The following GPC5 variants were observed in gnomAD, a reference collection of about 807,000 sequenced individuals.
GPC5 encodes the protein glypican 5, also known as glypican-5.
In GPC5, 47 loss-of-function variants were observed where a neutral mutation model predicts 53.9. The observed-to-expected ratio is 0.87, with a 90% confidence interval of 0.69 to 1.11. The LOEUF is 1.11. GPC5 is among the 50% of genes most tolerant of loss of function. The probability of loss-of-function intolerance (pLI) is 0.00; values close to 1 mark genes in which losing one functional copy is unlikely to be tolerated. For missense variants in GPC5, 748 were observed against 713.1 expected (o/e 1.05, Z -0.56); for synonymous variants, 286 against 263.3 (o/e 1.09, Z -0.84).
intron 7 of GPC5, among the ~76,000 whole-genome samples, chr13:92,162,556 G>T (rs1038491342): frequency 6.6e-6 from 1 of 152,132 alleles, no homozygotes; most frequent in Non-Finnish European, 1.5e-5. Flanking sequence ...TAGGGTTATG[G>T]ATAACCAGGG....
At chr13:91,420,692 G>A (rs781696380) in intron 1 of GPC5, among the ~76,000 whole-genome samples, 3 of 152,194 alleles carry the variant, frequency 2.0e-5, no homozygotes, top group East Asian at 1.9e-4. Flanking sequence ...GGAGGAACCC[G>A]GTGGGAGGTG....
intron 7 of GPC5, among the ~76,000 whole-genome samples, chr13:92,758,420 A>G (rs1453143600): frequency 6.6e-6 from 1 of 151,908 alleles, no homozygotes; most frequent in Non-Finnish European, 1.5e-5. Flanking sequence ...GCACATGTAT[A>G]CGTATGTAAC....
At chr13:92,835,935 G>A (rs1278369274) in intron 7 of GPC5, among the ~76,000 whole-genome samples, 1 of 151,926 alleles carries the variant, frequency 6.6e-6, no homozygotes, top group African/African-American at 2.4e-5. Flanking sequence ...AAATTACAGT[G>A]AGTCTGAACA....
intron 5 of GPC5, among the ~76,000 whole-genome samples, chr13:91,868,994 T>C (rs1190759449): frequency 6.6e-6 from 1 of 152,098 alleles, no homozygotes; most frequent in Non-Finnish European, 1.5e-5. Flanking sequence ...TGACTATACA[T>C]ATATGGGGTG....
At chr13:91,563,807 G>A (rs781714592) in intron 2 of GPC5, among the ~76,000 whole-genome samples, 2 of 151,708 alleles carry the variant, frequency 1.3e-5, no homozygotes, top group Non-Finnish European at 2.9e-5. Flanking sequence ...CAATGTTGCT[G>A]CCAGCCTCCT....
intron 7 of GPC5, among the ~76,000 whole-genome samples, chr13:92,278,019 T>A (rs2139164432): frequency 6.6e-6 from 1 of 151,976 alleles, no homozygotes; most frequent in Non-Finnish European, 1.5e-5. Context: ...TATTTAAGAA[T>A]CTGGAATTTT....
chr13:92,397,340 G>A (rs1875330743), intron 7 of GPC5, among the ~76,000 whole-genome samples: 1 of 152,148 alleles, frequency 6.6e-6, no homozygotes, highest in Non-Finnish European at 1.5e-5. Context: ...GTTTCATAAG[G>A]GGAAACACCT....
At chr13:92,641,570 T>C (rs1010043091) in intron 7 of GPC5, among the ~76,000 whole-genome samples, 1 of 152,218 alleles carries the variant, frequency 6.6e-6, no homozygotes, top group Non-Finnish European at 1.5e-5. Context: ...AGATGCTTAT[T>C]TGAGGATATT....
At chr13:91,903,778 A>G (rs2039523180) in intron 5 of GPC5, among the ~76,000 whole-genome samples, 1 of 152,128 alleles carries the variant, frequency 6.6e-6, no homozygotes, top group African/African-American at 2.4e-5. Context: ...TTATCTAAAT[A>G]TTATTTTACT....
At chr13:91,766,710 A>G (rs902399919) in intron 5 of GPC5, among the ~76,000 whole-genome samples, 10 of 152,092 alleles carry the variant, frequency 6.6e-5, no homozygotes, top group African/African-American at 2.4e-4. Flanking sequence ...AAAATACAAA[A>G]TTAACTGTGT....
intron 2 of GPC5, among the ~76,000 whole-genome samples, chr13:91,655,418 T>C (rs895546354): frequency 2.0e-5 from 3 of 152,148 alleles, no homozygotes; most frequent in Non-Finnish European, 2.9e-5. Context: ...GTTGTATGTG[T>C]AATGTTATTC....
At chr13:91,962,733 A>G (rs2139077224) in intron 6 of GPC5, among the ~76,000 whole-genome samples, 1 of 152,268 alleles carries the variant, frequency 6.6e-6, no homozygotes, top group East Asian at 1.9e-4. Flanking sequence ...GTTTTGCATC[A>G]CAGTGGGAGT....
At chr13:92,082,856 A>G (rs1200774207) in intron 6 of GPC5, among the ~76,000 whole-genome samples, 1 of 152,196 alleles carries the variant, frequency 6.6e-6, no homozygotes, top group African/African-American at 2.4e-5. Context: ...ATAGCTAGCT[A>G]AAAGTAGATA....
intron 7 of GPC5, among the ~76,000 whole-genome samples, chr13:92,152,757 A>G (rs1273495884): frequency 7.1e-6 from 1 of 141,768 alleles, no homozygotes; most frequent in South Asian, 2.3e-4. Flanking sequence ...AAAAAAAAAA[A>G]TTGGGCAAAG....
intron 7 of GPC5, among the ~76,000 whole-genome samples, chr13:92,754,551 C>G (rs1387767069): frequency 6.6e-6 from 1 of 151,396 alleles, no homozygotes; most frequent in East Asian, 2.0e-4. Context: ...GATAAAGAGT[C>G]AAGACCCAAC....
intron 7 of GPC5, among the ~76,000 whole-genome samples, chr13:92,219,077 T>C (rs373758855): frequency 3.7e-4 from 57 of 152,282 alleles, no homozygotes; most frequent in African/African-American, 1.3e-3. Context: ...AGTCTGTTTC[T>C]ATGTGCTTTC....
rs191245101 is a variant in GPC5, at chr13:91,746,972, T to C, written c.1155-9323T>C. Among the ~76,000 whole-genome samples the C allele has an allele frequency of 2.7e-5, 4 of 148,950 alleles. No homozygotes were observed. The East Asian group carries it at 5.8e-4, about 22-fold the overall frequency. ...TATCTTTCTATGTTGGTCTGTCTGT[T>C]TGTCTGTCTTTAGCTGCTTGTTAGT... On this transcript the variant is annotated intron_variant, in intron 4 of 7. Coordinates refer to ENST00000377067, the MANE Select transcript of GPC5 (RefSeq NM_004466.6).
At chr13:92,785,285 TAAG>T (rs1268041033) in intron 7 of GPC5, among the ~76,000 whole-genome samples, 3 of 151,766 alleles carry the variant, frequency 2.0e-5, no homozygotes, top group East Asian at 3.9e-4. Flanking sequence ...CAAAAAATAA[TAAG>T]AAGAAGGAGA....
chr13:92,293,608 G>T (rs531782755), intron 7 of GPC5, among the ~76,000 whole-genome samples: 3 of 151,948 alleles, frequency 2.0e-5, no homozygotes, highest in Admixed American at 6.5e-5. Context: ...AGTCTTTAGG[G>T]TTTTCTAGGT....
Sources: allele counts gnomAD v4.1 joint callset (sites outside exome capture counted in the v4.1 genomes callset), GRCh38; gene constraint gnomAD v4.1.1; transcripts MANE v1.5; gene names NCBI Gene and HGNC (gene_info 2026-07-23, HGNC 2026-07-21).